The following TAP2 variants were observed in gnomAD, a reference collection of about 807,000 sequenced individuals.
TAP2 encodes antigen peptide transporter 2.
In TAP2, 49 loss-of-function variants were observed where a neutral mutation model predicts 74.7. The observed-to-expected ratio is 0.66, with a 90% CI of 0.52 to 0.83. TAP2 has a LOEUF of 0.83. Among genes scored for constraint, TAP2 ranks in the 40% least tolerant of loss-of-function variants. TAP2 has a pLI of 0.00. For synonymous variants in TAP2, 306 were observed against 368.4 expected (o/e 0.83, Z 1.94); for missense variants, 739 against 859.0 (o/e 0.86, Z 1.75).
chr6:32,829,587 C>T, intron 10 of TAP2, 51 bp from the exon 11 acceptor site: 1 of 1,611,870 alleles, frequency 6.2e-7, no homozygotes, highest in South Asian at 1.1e-5. Context: ...ACACAGACAA[C>T]ACACAAGGAG....
At chr6:32,822,405 G>A (rs555957557), downstream of TAP2, 15 of 882,494 alleles carry the variant, frequency 1.7e-5, no homozygotes, top group East Asian at 3.5e-4. Context: ...TTTTATTTAG[G>A]ATTTTTGTGT....
chr6:32,829,618 C>T (rs1768914845), intron 10 of TAP2, 82 bp from the exon 11 acceptor site: 16 of 1,599,402 alleles, frequency 1.0e-5, no homozygotes, highest in Middle Eastern at 1.7e-4. Flanking sequence ...ACAGCAGGTA[C>T]TTCCAGTAGG....
rs774070425 is a variant in TAP2 at position 32,838,161 on chromosome 6, C to T, written c.73G>A (p.Gly25Ser). 16 of 1,601,204 alleles carry T rather than the reference C, an allele frequency of 1.0e-5. No homozygotes were observed. The highest frequency in any genetic ancestry group is 1.3e-5 in the Non-Finnish European group (15 of 1,173,198). ...TGAGGAAGCAAAGTCCCCAGAGGGC[C>T]CTGAAGCAGCCACAGTAAAGCCGCG... ...VDAALLWLLQ[G>S]PLGTLLPQGL... Residue 25 changes from glycine to serine, a missense_variant, in exon 2 of 12, where the codon GGC becomes AGC. By Grantham distance (56) the Gly-to-Ser change is moderately conservative. Coordinates refer to ENST00000374897, the MANE Select transcript of TAP2 (RefSeq NM_001290043.2).
rs1769547361 is a variant in TAP2 at position 32,838,043 on chromosome 6, G to A, written c.191C>T (p.Thr64Ile). ...GGCCAGACAGAGCGGGAGCAGCAGT[G>A]TCCCCACAAATCCCAGCAGCCCTCT... Reference protein sequence around the residue: ...KLRGLLGFVGTLLLPLCLATP... With the variant: ...KLRGLLGFVGILLLPLCLATP... The change falls in exon 2 of 12, where the codon ACA becomes ATA. Residue 64 changes from threonine (T) to isoleucine (I), a missense_variant. Thr to Ile is a moderately conservative substitution (Grantham distance 89). Coordinates refer to ENST00000374897, the MANE Select transcript of TAP2 (RefSeq NM_001290043.2). 1.2e-6 allele frequency: 2 copies of A among 1,612,270 alleles called. No homozygotes were observed. Among genetic ancestry groups the A allele is most frequent in the African/African-American group, 1.3e-5 (1 of 74,736 alleles).
rs1415097243 is a variant in TAP2, at chr6:32,826,696, G to A, written c.*2210C>T. The stretch of plus-strand genomic sequence containing the variant: ...CCCATCAAGATAAGTTTTCCACCCA[G>A]CTTTATCATGATTAGCTGCGTGATT... On this transcript the variant is annotated 3_prime_UTR_variant, in exon 12 of 12. Transcript: ENST00000374897. The A allele has an allele frequency of 8.1e-6, 8 of 985,250 alleles. No individual in the cohort carries two copies. The highest frequency in any genetic ancestry group is 6.0e-6 in the Non-Finnish European group (5 of 829,922). The allele number at this position is 985,250 out of a possible 1,614,324, so 61.0% of individuals were successfully genotyped here. A position where few individuals can be genotyped will look rare whatever the true frequency, so the allele number is the denominator to read the frequency against.
rs1317143573 is a variant in TAP2, at chr6:32,830,679, A to G, written c.1400T>C (p.Val467Ala). ...GTLAPTTLQG[V>A]VKFQDVSFAY... ...AAAGGAGACGTCTTGGAATTTCACA[A>G]CCCCCTGCAGAGTGGTGGGGGCAAG... The change falls in exon 8 of 12, where the codon GTT becomes GCT. Residue 467 changes from valine (V) to alanine (A), a missense_variant. Physicochemically the swap from Val to Ala is moderately conservative, Grantham distance 64. Transcript: ENST00000374897. The G allele has an allele frequency of 5.0e-6, 8 of 1,612,646 alleles. No individual in the cohort carries two copies. Among genetic ancestry groups the G allele is most frequent in the African/African-American group, 1.3e-5 (1 of 74,830 alleles).
In TAP2 at chr6:32,835,665, AC is replaced by A; in HGVS notation, c.716del (p.Gly239ValfsTer11). On this transcript the variant is annotated frameshift_variant, in exon 4 of 12. Transcript: ENST00000374897. LOFTEE classifies it high-confidence loss of function. This position sits in a 1 kb window ranked among gnomAD's most constrained non-coding sequence, Gnocchi z 4.0. ...LFSSLLRQDL[G>X]FFQETKTGEL... The stretch of plus-strand genomic sequence containing the variant: ...CACCTGTCTTAGTCTCCTGGAAGAA[AC>A]CGAGGTCCTGGCGCAGCAGGGAGGA... 3 of 1,613,006 alleles carry A rather than the reference AC, an allele frequency of 1.9e-6. No individual in the cohort carries two copies. Among genetic ancestry groups the A allele is most frequent in the Non-Finnish European group, 2.5e-6 (3 of 1,180,016 alleles).
Position 32,830,810 on chromosome 6 carries a change from G to A in TAP2, c.1273-4C>T, listed in dbSNP as rs1440168430. ...CCCCATATATGTATACCAGGGTCTG[G>A]AAAACAGGAATGGGAGAGCCGGCTA... On this transcript the variant is annotated splice_region_variant and splice_polypyrimidine_tract_variant and intron_variant, in intron 7 of 11. Transcript: ENST00000374897. 2 of 1,607,522 alleles carry A rather than the reference G, an allele frequency of 1.2e-6. No homozygotes were observed. The highest frequency in any genetic ancestry group is 1.7e-6 in the Non-Finnish European group (2 of 1,177,442).
In TAP2 at chr6:32,835,580, T is replaced by C; in HGVS notation, c.739+63A>G. The C allele has an allele frequency of 1.9e-6, 3 of 1,609,188 alleles. No homozygotes were observed. Among genetic ancestry groups the C allele is most frequent in the Non-Finnish European group, 2.5e-6 (3 of 1,177,068 alleles). ...TGAAGGCAGGAGGAGAGGCTGTGGG[T>C]GGAAGGTCACTGAGGGGCAAGGGAT... On this transcript the variant is annotated intron_variant, in intron 4 of 11. Transcript: ENST00000374897. This position sits in a 1 kb window ranked among gnomAD's most constrained non-coding sequence, Gnocchi z 4.0.
Position 32,835,345 on chromosome 6 carries a change from G to GT in TAP2, c.753dup (p.Arg252ThrfsTer11). ...ATCAGGGTGGTATCCGAGCTCAGCC[G>GT]TGAGTTCAGCTCCCCTAAGAAGGAC... On this transcript the variant is annotated frameshift_variant, in exon 5 of 12. Coordinates refer to ENST00000374897, the MANE Select transcript of TAP2 (RefSeq NM_001290043.2). LOFTEE classifies it high-confidence loss of function. This position sits in a 1 kb window ranked among gnomAD's most constrained non-coding sequence, Gnocchi z 4.0. The GT allele has an allele frequency of 6.2e-7, 1 of 1,613,074 alleles. No individual in the cohort carries two copies. The highest frequency in any genetic ancestry group is 8.5e-7 in the Non-Finnish European group (1 of 1,180,040).
rs539200475 is a variant in TAP2, at chr6:32,835,668, G to A, written c.714C>T (p.Leu238=). The part of the protein sequence containing the change: ...QLFSSLLRQD[L]GFFQETKTGE... ...CTGTCTTAGTCTCCTGGAAGAAACC[G>A]AGGTCCTGGCGCAGCAGGGAGGAGA... is the stretch of plus-strand genomic sequence containing the variant. The change falls in exon 4 of 12, where the codon CTC becomes CTT. Residue 238 remains leucine, a synonymous_variant. Transcript: ENST00000374897. The surrounding 1 kb of genome is among the most constrained non-coding windows in gnomAD (Gnocchi z 4.0). 3.5e-5 allele frequency: 56 copies of A among 1,613,108 alleles called. No individual in the cohort carries two copies. The highest frequency in any genetic ancestry group is 1.2e-4 in the South Asian group (11 of 91,086).
At position 32,825,710 on chromosome 6, in the gene TAP2, A is replaced by G. The variant is rs755069673; in HGVS notation, c.*3196T>C. 6.7e-6 allele frequency: 1 copy of G among 150,258 alleles called. No individual in the cohort carries two copies. Among genetic ancestry groups the G allele is most frequent in the Admixed American group, 6.6e-5 (1 of 15,238 alleles). 9.3% of individuals were successfully genotyped at this position (150,258 alleles called of 1,614,324 possible). Reference sequence around the variant, plus strand: ...TTGCTTATTTAAATAAATAAATAATATATTTTAAAAAGAGGATAGTAGGAA... The same window carrying G: ...TTGCTTATTTAAATAAATAAATAATGTATTTTAAAAAGAGGATAGTAGGAA... On this transcript the variant is annotated 3_prime_UTR_variant, in exon 12 of 12. Coordinates refer to ENST00000374897, the MANE Select transcript of TAP2 (RefSeq NM_001290043.2).
chr6:32,830,876 C>T, intron 7 of TAP2, 70 bp from the exon 8 acceptor site: 2 of 1,299,566 alleles, frequency 1.5e-6, no homozygotes, highest in Middle Eastern at 2.0e-4. Context: ...CCCAACTCCT[C>T]ACACACTCCA....
In TAP2 at chr6:32,832,839, C is replaced by T; in HGVS notation, c.946-15G>A. The T allele has an allele frequency of 6.2e-7, 1 of 1,610,918 alleles. No homozygotes were observed. The highest frequency in any genetic ancestry group is 1.3e-5 in the African/African-American group (1 of 75,044). On this transcript the variant is annotated splice_polypyrimidine_tract_variant and intron_variant, in intron 5 of 11. Transcript: ENST00000374897. The surrounding 1 kb of genome is among the most constrained non-coding windows in gnomAD (Gnocchi z 5.9). ...CGAAGCACTTCCTGGAAAAGAGGGCCAGCAAACACCAGGGCTGATGTGCAA... is the reference window on the plus strand; with the variant it reads ...CGAAGCACTTCCTGGAAAAGAGGGCTAGCAAACACCAGGGCTGATGTGCAA...
chr6:32,837,354 A>G (rs995694281), intron 3 of TAP2, among the ~76,000 whole-genome samples, 183 bp downstream of exon 3: 1 of 152,210 alleles, frequency 6.6e-6, no homozygotes, highest in Admixed American at 6.5e-5. Flanking sequence ...AAGATATTGG[A>G]TGAATATGAA....
At chr6:32,830,948 T>C (rs1016229173) in intron 7 of TAP2, 142 bp from the exon 8 acceptor site, 52 of 842,194 alleles carry the variant, frequency 6.2e-5, no homozygotes, top group Middle Eastern at 6.3e-4. Flanking sequence ...AAATGTACAA[T>C]TTGGACGGAA....
rs1201148410 is a variant in TAP2, at chr6:32,826,670, G to A, written c.*2236C>T. The stretch of plus-strand genomic sequence containing the variant: ...AAGGTCTACTGCATCTTCCTGTACT[G>A]CCCATCAAGATAAGTTTTCCACCCA... On this transcript the variant is annotated 3_prime_UTR_variant, in exon 12 of 12. Coordinates refer to ENST00000374897, the MANE Select transcript of TAP2 (RefSeq NM_001290043.2). The A allele has an allele frequency of 4.1e-5, 40 of 985,222 alleles. No individual in the cohort carries two copies. Among genetic ancestry groups the A allele is most frequent in the Non-Finnish European group, 4.6e-5 (38 of 829,930 alleles). 61.0% of individuals were successfully genotyped at this position (985,222 alleles called of 1,614,324 possible). A position where few individuals can be genotyped will look rare whatever the true frequency, so the allele number is the denominator to read the frequency against.
At chr6:32,824,403 C>A (rs1768503223), downstream of TAP2, among the ~76,000 whole-genome samples, 1 of 152,102 alleles carries the variant, frequency 6.6e-6, no homozygotes, top group African/African-American at 2.4e-5. Context: ...TTTGATTTAA[C>A]ATTTTCATGT....
At chr6:32,838,279 C>T (rs1317722387) in intron 1 of TAP2, 42 bp from the exon 2 acceptor site, 2 of 1,515,154 alleles carry the variant, frequency 1.3e-6, no homozygotes, top group Non-Finnish European at 1.8e-6. Context: ...GGGTGGAGTC[C>T]CAATCCTTGT....
Sources: gnomAD v4.1 joint callset for allele counts (sites outside exome capture counted in the v4.1 genomes callset) on GRCh38, gnomAD v4.1.1 for gene constraint, Gnocchi (gnomAD v3.1) non-coding constraint, MANE v1.5 for transcripts, NCBI Gene and HGNC (gene_info 2026-07-23, HGNC 2026-07-21) for gene names.